C12orf42: variants seen among roughly 807,000 people sequenced by gnomAD.
C12orf42 encodes uncharacterized protein C12orf42.
C12orf42 carries 25 observed loss-of-function variants against 21.6 expected under a neutral mutation model. That is an observed-to-expected ratio of 1.16 (90% CI 0.84 to 1.62). The LOEUF (loss-of-function observed/expected upper bound fraction) is 1.62. Among genes scored for constraint, C12orf42 ranks in the 40% most tolerant of loss-of-function variants. C12orf42 has a pLI of 0.00. For synonymous variants in C12orf42, 174 were observed against 175.0 expected (o/e 0.99, Z 0.05); for missense variants, 483 against 459.3 (o/e 1.05, Z -0.47).
At chr12:103,172,104 A>AT in the C12orf42 span, among the ~76,000 whole-genome samples, 2 of 152,106 alleles carry the variant, frequency 1.3e-5, no homozygotes, top group Non-Finnish European at 2.9e-5. Flanking sequence ...TCATTCATTC[A>AT]TTCCTTCATT....
chr12:103,501,546 C>T, the C12orf42 span, among the ~76,000 whole-genome samples: 10 of 152,196 alleles, frequency 6.6e-5, no homozygotes, highest in Non-Finnish European at 1.5e-4. Context: ...CGCCAGCACC[C>T]TATTGCCCTT....
At chr12:103,309,973 G>T (rs1255782791) in intron 4 of C12orf42, among the ~76,000 whole-genome samples, 8 of 152,200 alleles carry the variant, frequency 5.3e-5, no homozygotes. Context: ...AGTATAAGGG[G>T]CCAGAGACCT....
the C12orf42 span, among the ~76,000 whole-genome samples, chr12:103,097,617 T>C: frequency 6.6e-6 from 1 of 152,166 alleles, no homozygotes; most frequent in Non-Finnish European, 1.5e-5. Flanking sequence ...CATAATTTTC[T>C]CTCTCATTTT....
At chr12:103,514,113 AAGG>A in the C12orf42 span, among the ~76,000 whole-genome samples, 2 of 152,194 alleles carry the variant, frequency 1.3e-5, no homozygotes, top group Non-Finnish European at 2.9e-5. Flanking sequence ...TGGCTGCAGG[AAGG>A]AGAAGAATGA....
chr12:103,322,756 G>C lies in C12orf42; in HGVS notation c.260-16411C>G, dbSNP rs17033696. On this transcript the variant is annotated intron_variant, in intron 4 of 5. Transcript: ENST00000548883. Reference sequence around the variant, plus strand: ...CTCACCACCACAAATGTCCAAATTCGTAAGAGTGCATTAGGTTAATCTGTT... The same window carrying C: ...CTCACCACCACAAATGTCCAAATTCCTAAGAGTGCATTAGGTTAATCTGTT... Among the ~76,000 whole-genome samples the C allele has an allele frequency of 1.2e-3, 183 of 152,216 alleles. 1 individual carries two copies. Among genetic ancestry groups the C allele is most frequent in the South Asian group, 0.012 (56 of 4,810 alleles).
chr12:103,496,866 C>G (rs1022574858), upstream of C12orf42, among the ~76,000 whole-genome samples: 1 of 141,054 alleles, frequency 7.1e-6, no homozygotes, highest in African/African-American at 2.6e-5. Flanking sequence ...CTTGTTAGAT[C>G]TCATTCAAAG....
At chr12:103,415,473 A>G (rs1355003234) in intron 2 of C12orf42, among the ~76,000 whole-genome samples, 1 of 152,180 alleles carries the variant, frequency 6.6e-6, no homozygotes, top group African/African-American at 2.4e-5. Context: ...ACCACAGAAT[A>G]TATATTCTTC....
intron 2 of C12orf42, among the ~76,000 whole-genome samples, chr12:103,421,220 A>G (rs1158470062): frequency 6.6e-6 from 1 of 152,146 alleles, no homozygotes; most frequent in Non-Finnish European, 1.5e-5. Context: ...GAAGAAGATA[A>G]TGTAGAAGAG....
At chr12:103,493,041 T>C (rs1315727296) in intron 1 of C12orf42, among the ~76,000 whole-genome samples, 2 of 152,210 alleles carry the variant, frequency 1.3e-5, no homozygotes, top group Admixed American at 1.3e-4. Flanking sequence ...CTGTTGCTTG[T>C]CTGGATTACT....
the C12orf42 span, among the ~76,000 whole-genome samples, chr12:103,527,231 CTG>C: frequency 1.3e-5 from 2 of 152,220 alleles, no homozygotes; most frequent in Admixed American, 6.5e-5. Context: ...ATGAACATGT[CTG>C]TGCTTGAGAG....
At chr12:103,465,757 T>C (rs943511553) in intron 2 of C12orf42, among the ~76,000 whole-genome samples, 2 of 152,104 alleles carry the variant, frequency 1.3e-5, no homozygotes, top group Non-Finnish European at 2.9e-5. Context: ...GGCTCTCATT[T>C]TGAGGTATGT....
chr12:103,131,963 A>G, the C12orf42 span, among the ~76,000 whole-genome samples: 1 of 152,036 alleles, frequency 6.6e-6, no homozygotes, highest in African/African-American at 2.4e-5. Context: ...ACTGTTTTTG[A>G]TGCTAGTGAT....
chr12:103,523,627 G>GTA, the C12orf42 span, among the ~76,000 whole-genome samples: 1 of 150,126 alleles, frequency 6.7e-6, no homozygotes, highest in African/African-American at 2.4e-5. Flanking sequence ...CTCTATATAT[G>GTA]TATATATATG....
chr12:103,550,168 T>C, the C12orf42 span, among the ~76,000 whole-genome samples: 1 of 152,114 alleles, frequency 6.6e-6, no homozygotes, highest in Non-Finnish European at 1.5e-5. Context: ...AATAATACAA[T>C]ATTAATATTT....
the C12orf42 span, among the ~76,000 whole-genome samples, chr12:103,067,967 TG>T: frequency 6.6e-6 from 1 of 152,158 alleles, no homozygotes; most frequent in Non-Finnish European, 1.5e-5. Flanking sequence ...TTAAGGTCAA[TG>T]GGAAACTACA....
downstream of C12orf42, among the ~76,000 whole-genome samples, chr12:103,233,097 A>G (rs2136146282): frequency 6.6e-6 from 1 of 152,318 alleles, no homozygotes; most frequent in East Asian, 1.9e-4. Context: ...TGCTCCATTG[A>G]GTTGCCCTTG....
rs1380688751 is a variant in C12orf42 at position 103,445,971 on chromosome 12, C to G, written c.78+32378G>C. Reference sequence around the variant, plus strand: ...CTTCCTTTTTTTCAATGGGATAGCACCATTTACAGATAAGTCCATAGTTTC... The same window carrying G: ...CTTCCTTTTTTTCAATGGGATAGCAGCATTTACAGATAAGTCCATAGTTTC... On this transcript the variant is annotated intron_variant, in intron 2 of 5. Coordinates refer to ENST00000548883, the MANE Select transcript of C12orf42 (RefSeq NM_198521.5). 2.6e-5 allele frequency among the ~76,000 whole-genome samples: 4 copies of G among 151,900 alleles called. No homozygotes were observed. The East Asian group carries it at 7.7e-4, about 29-fold the overall frequency.
Position 103,460,406 on chromosome 12 carries a change from T to A in C12orf42, c.78+17943A>T, listed in dbSNP as rs151273819. Among the ~76,000 whole-genome samples the A allele has an allele frequency of 1.2e-3, 185 of 152,302 alleles. 1 individual carries two copies. Among genetic ancestry groups the A allele is most frequent in the Non-Finnish European group, 2.1e-3 (143 of 68,018 alleles). The stretch of plus-strand genomic sequence containing the variant: ...GACAAGAACAAGTTGCATGGTCGCA[T>A]CAAACTGCAAGAGACATTGGGAAAT... On this transcript the variant is annotated intron_variant, in intron 2 of 5. Coordinates refer to ENST00000548883, the MANE Select transcript of C12orf42 (RefSeq NM_198521.5).
intron 2 of C12orf42, among the ~76,000 whole-genome samples, chr12:103,407,359 G>C (rs375847706): frequency 1.7e-4 from 26 of 152,202 alleles, no homozygotes; most frequent in African/African-American, 5.8e-4. Context: ...GAACTGCGCA[G>C]GTCTACTAAT....
Sources: allele counts gnomAD v4.1 joint callset (sites outside exome capture counted in the v4.1 genomes callset), GRCh38; gene constraint gnomAD v4.1.1; transcripts MANE v1.5; gene names NCBI Gene and HGNC (gene_info 2026-07-23, HGNC 2026-07-21).